SP140: variants seen among roughly 807,000 people sequenced by gnomAD.
SP140 encodes SP140 nuclear body protein, also known as nuclear body protein SP140.
In SP140, 81 loss-of-function variants were observed where a neutral mutation model predicts 125.0. The observed-to-expected ratio is 0.65, with a 90% CI of 0.54 to 0.78. The LOEUF (loss-of-function observed/expected upper bound fraction) is 0.78, where lower values mean the gene tolerates loss of function less well. Among genes scored for constraint, SP140 ranks in the 30% least tolerant of loss-of-function variants. The pLI is 0.00. For missense variants in SP140, 858 were observed against 1,037.0 expected, an observed-to-expected ratio of 0.83 and a Z score of 2.37; for synonymous variants, 312 against 354.0, an observed-to-expected ratio of 0.88 and a Z score of 1.33.
intron 22 of SP140, among the ~76,000 whole-genome samples, chr2:230,304,419 G>T (rs1383357580): frequency 6.6e-6 from 1 of 152,028 alleles, no homozygotes; most frequent in East Asian, 1.9e-4. Context: ...AATTCATACA[G>T]AACCAAAAAA....
At chr2:230,308,642 T>G (rs373095428) in intron 22 of SP140, among the ~76,000 whole-genome samples, 391 of 152,366 alleles carry the variant, frequency 2.6e-3, no homozygotes, top group Middle Eastern at 6.8e-3. Context: ...GGCTGTCCCC[T>G]GCTTCCAGAG....
intron 1 of SP140, among the ~76,000 whole-genome samples, chr2:230,210,670 A>G (rs915297670): frequency 2.0e-5 from 3 of 152,214 alleles, no homozygotes; most frequent in Admixed American, 6.5e-5. Flanking sequence ...TTTGCTGCAC[A>G]AAGAAAGACA....
the SP140 span, among the ~76,000 whole-genome samples, chr2:230,194,717 T>C: frequency 0.76 from 116,240 of 152,178 alleles, 44,518 homozygotes; most frequent in Admixed American, 0.83. Flanking sequence ...TGAATCCTGC[T>C]TGGGGATTTA....
upstream of SP140, chr2:230,202,469 C>T (rs919000549): frequency 2.3e-4 from 237 of 1,012,088 alleles, 3 homozygotes; most frequent in Admixed American, 5.4e-4. Context: ...ATTCTCTGTA[C>T]TTTTTCCTTT....
intron 23 of SP140, chr2:230,310,272 A>T: frequency 1.8e-6 from 1 of 543,780 alleles, no homozygotes; most frequent in South Asian, 2.3e-5. Flanking sequence ...AGTGTTGGGG[A>T]CCTTTGCCTA....
intron 10 of SP140, among the ~76,000 whole-genome samples, chr2:230,253,052 A>C (rs959757577): frequency 1.3e-5 from 2 of 152,216 alleles, no homozygotes; most frequent in Non-Finnish European, 1.5e-5. Context: ...TATCACTAAA[A>C]AAGAAAAAAG....
upstream of SP140, chr2:230,221,634 C>T (rs1221612213): frequency 2.5e-5 from 34 of 1,387,538 alleles, no homozygotes; most frequent in African/African-American, 4.3e-5. Context: ...TAACATACAG[C>T]GCTGTGATGC....
upstream of SP140, chr2:230,202,639 T>C: frequency 1.2e-6 from 2 of 1,613,912 alleles, no homozygotes; most frequent in East Asian, 4.5e-5. Context: ...GTCTCTACCG[T>C]GGAGTTACAA....
intron 3 of SP140, chr2:230,215,094 A>C: frequency 6.2e-7 from 1 of 1,613,940 alleles, no homozygotes; most frequent in East Asian, 2.2e-5. Flanking sequence ...ACAGGGATCA[A>C]ATTTCTACAG....
chr2:230,289,686 G>T (rs1031275441), intron 18 of SP140, among the ~76,000 whole-genome samples: 4 of 152,164 alleles, frequency 2.6e-5, no homozygotes, highest in African/African-American at 4.8e-5. Context: ...TGTTGGCCAG[G>T]CTGGTCTCGA....
At chr2:230,218,522 CA>C (rs1488421570) in intron 3 of SP140, among the ~76,000 whole-genome samples, 2 of 152,114 alleles carry the variant, frequency 1.3e-5, no homozygotes, top group African/African-American at 4.8e-5. Context: ...CAGAGAAAGG[CA>C]GAGTAAACAT....
chr2:230,226,800 GTCATTTCT>G (rs1219395373), intron 1 of SP140, among the ~76,000 whole-genome samples: 2 of 147,514 alleles, frequency 1.4e-5, no homozygotes, highest in African/African-American at 5.0e-5. Context: ...CATCAATACG[GTCATTTCT>G]TCTTATCTGT....
At chr2:230,223,815 A>T (rs1308729638), upstream of SP140, among the ~76,000 whole-genome samples, 3 of 152,224 alleles carry the variant, frequency 2.0e-5, no homozygotes, top group Non-Finnish European at 4.4e-5. Context: ...TAGCATGCTT[A>T]GCAAAATGAA....
chr2:230,256,572 A>C (rs1437912299), intron 12 of SP140, among the ~76,000 whole-genome samples: 1 of 152,020 alleles, frequency 6.6e-6, no homozygotes, highest in Admixed American at 6.6e-5. Flanking sequence ...ACCTAACGTA[A>C]ATGATGAGTT....
At chr2:230,245,101 C>G (rs2049238092) in intron 6 of SP140, 21 bp downstream of exon 6, 1 of 1,497,088 alleles carries the variant, frequency 6.7e-7, no homozygotes, top group Non-Finnish European at 9.3e-7. Context: ...TTTAAATGAC[C>G]AATTATCTCA....
intron 15 of SP140, among the ~76,000 whole-genome samples, chr2:230,273,391 G>T (rs2054225421): frequency 6.6e-6 from 1 of 152,138 alleles, no homozygotes; most frequent in Non-Finnish European, 1.5e-5. Flanking sequence ...AAACCAAAAT[G>T]AGATACCATC....
chr2:230,195,538 C>T, the SP140 span, among the ~76,000 whole-genome samples: 44 of 152,216 alleles, frequency 2.9e-4, no homozygotes, highest in African/African-American at 9.9e-4. Context: ...CCATGTTGGC[C>T]AGGCTGGTCT....
intron 1 of SP140, among the ~76,000 whole-genome samples, chr2:230,231,717 A>G (rs1005097257): frequency 2.7e-5 from 4 of 150,086 alleles, no homozygotes; most frequent in Non-Finnish European, 4.4e-5. Context: ...TTTTTTTTCA[A>G]TTTTTTTGAG....
At chr2:230,278,802 C>T (rs927992672) in intron 15 of SP140, among the ~76,000 whole-genome samples, 2 of 151,940 alleles carry the variant, frequency 1.3e-5, no homozygotes, top group Non-Finnish European at 2.9e-5. Context: ...AGATTAAATG[C>T]CCCTTCTTGA....
Sources: gnomAD v4.1 joint callset for allele counts (sites outside exome capture counted in the v4.1 genomes callset) on GRCh38, gnomAD v4.1.1 for gene constraint, MANE v1.5 for transcripts, NCBI Gene and HGNC (gene_info 2026-07-23, HGNC 2026-07-21) for gene names.